CALCOCO2: variants seen among roughly 807,000 people sequenced by gnomAD.
CALCOCO2 encodes calcium binding and coiled-coil domain 2.
CALCOCO2 carries 42 observed loss-of-function variants against 62.5 expected under a neutral mutation model. The observed-to-expected ratio is 0.67, with a 90% CI of 0.53 to 0.87. The LOEUF is 0.87. Among genes scored for constraint, CALCOCO2 ranks in the 40% least tolerant of loss-of-function variants. CALCOCO2 has a pLI of 0.00. For synonymous variants in CALCOCO2, 167 were observed against 173.0 expected, an observed-to-expected ratio of 0.97 and a Z score of 0.27; for missense variants, 456 against 515.0, an observed-to-expected ratio of 0.89 and a Z score of 1.11.
rs554115615 is a variant in CALCOCO2 at position 48,842,024 on chromosome 17, G to A, written c.180+137G>A. The A allele has an allele frequency of 9.6e-5, 52 of 541,764 alleles. No individual in the cohort carries two copies. In the South Asian group the frequency reaches 1.6e-3, roughly 17 times the overall value. The allele number at this position is 541,764 out of a possible 1,614,324, so 33.6% of individuals were successfully genotyped here. ...TTTTAAATTCTAGCCAAGCTCCACA[G>A]CACTTCTCTCTTCACACATTAATGT... On this transcript the variant is annotated intron_variant, in intron 2 of 12. Coordinates refer to ENST00000258947, the MANE Select transcript of CALCOCO2 (RefSeq NM_005831.5).
intron 8 of CALCOCO2, 40 bp from the exon 9 acceptor site, chr17:48,852,886 T>C (rs2040154430): frequency 2.1e-6 from 3 of 1,448,762 alleles, no homozygotes; most frequent in Non-Finnish European, 2.9e-6. Flanking sequence ...TGCATGTGTG[T>C]GTTTTCCCAG....
intron 11 of CALCOCO2, among the ~76,000 whole-genome samples, chr17:48,861,649 ATATG>A (rs1490091561): frequency 8.3e-4 from 13 of 15,622 alleles, no homozygotes; most frequent in Admixed American, 2.6e-3. Flanking sequence ...GTATATATAT[ATATG>A]TGTGTGTGTA....
At chr17:48,861,433 T>C (rs1461239636) in intron 11 of CALCOCO2, among the ~76,000 whole-genome samples, 2 of 151,808 alleles carry the variant, frequency 1.3e-5, no homozygotes, top group Non-Finnish European at 2.9e-5. Flanking sequence ...CCAGGCCGGT[T>C]TCGAACTCCT....
chr17:48,851,462 G>T (rs772770386), intron 6 of CALCOCO2, 97 bp from the exon 7 acceptor site: 61 of 761,590 alleles, frequency 8.0e-5, no homozygotes, highest in Non-Finnish European at 1.3e-4. Context: ...AAATAATTCT[G>T]CAGGCTTAGG....
intron 1 of CALCOCO2, among the ~76,000 whole-genome samples, chr17:48,837,668 A>T (rs530625122): frequency 1.3e-5 from 2 of 151,900 alleles, no homozygotes; most frequent in Non-Finnish European, 2.9e-5. Context: ...GGAAAGAAAA[A>T]CTTTTGAGGT....
At chr17:48,859,452 A>G (rs1449990614) in intron 10 of CALCOCO2, among the ~76,000 whole-genome samples, 3 of 152,066 alleles carry the variant, frequency 2.0e-5, no homozygotes, top group Non-Finnish European at 4.4e-5. Context: ...AAATTTAAAA[A>G]TCAGCCAGGC....
intron 2 of CALCOCO2, among the ~76,000 whole-genome samples, chr17:48,845,320 GGTGTGTGTGTGTGTGT>G (rs55686005): frequency 7.3e-6 from 1 of 137,164 alleles, no homozygotes; most frequent in Admixed American, 7.5e-5. Context: ...CTATGTTGAG[GGTGTGTGTGTGTGTGT>G]GTGTGTGTGT....
intron 9 of CALCOCO2, among the ~76,000 whole-genome samples, chr17:48,853,794 A>G (rs1375415041): frequency 2.6e-5 from 4 of 152,222 alleles, no homozygotes; most frequent in Non-Finnish European, 4.4e-5. Flanking sequence ...TGTATTTCCA[A>G]CTTCCTTTGG....
At position 48,863,270 on chromosome 17, in the gene CALCOCO2, A is replaced by T; in HGVS notation, c.*265A>T. On this transcript the variant is annotated 3_prime_UTR_variant, in exon 13 of 13. Coordinates refer to ENST00000258947, the MANE Select transcript of CALCOCO2 (RefSeq NM_005831.5). ...CTGTCATTCTTCTGAGGGTCTCAGT[A>T]CAAGGGCCCTGGGATGGAGCCAACC... is the stretch of plus-strand genomic sequence containing the variant. 1 of 410,712 alleles carries T rather than the reference A, an allele frequency of 2.4e-6. No individual in the cohort carries two copies. Among genetic ancestry groups the T allele is most frequent in the Non-Finnish European group, 4.6e-6 (1 of 216,870 alleles). The allele number at this position is 410,712 out of a possible 1,614,324, so 25.4% of individuals were successfully genotyped here. A position where few individuals can be genotyped will look rare whatever the true frequency, so the allele number is the denominator to read the frequency against.
At chr17:48,858,054 TAGAATAGAATAGAATAG>T (rs1567759574) in intron 10 of CALCOCO2, among the ~76,000 whole-genome samples, 1 of 139,648 alleles carries the variant, frequency 7.2e-6, no homozygotes, top group Non-Finnish European at 1.6e-5. Context: ...GAAAATAGAA[TAGAATAGAATAGAATAG>T]AATTTTACCA....
In CALCOCO2 at chr17:48,864,375, C is replaced by G. The variant is rs1345736574; in HGVS notation, c.*1370C>G. 1 of 154,244 alleles carries G rather than the reference C, an allele frequency of 6.5e-6. No homozygotes were observed. The highest frequency in any genetic ancestry group is 6.6e-5 in the Admixed American group (1 of 15,258). 9.6% of individuals were successfully genotyped at this position (154,244 alleles called of 1,614,324 possible). On this transcript the variant is annotated 3_prime_UTR_variant, in exon 13 of 13. Coordinates refer to ENST00000258947, the MANE Select transcript of CALCOCO2 (RefSeq NM_005831.5). The stretch of plus-strand genomic sequence containing the variant: ...CACTGTGCTGGGCCCGAGGCCCTGA[C>G]TTCTTGCTGTAACTTTCCATGCATT...
intron 10 of CALCOCO2, among the ~76,000 whole-genome samples, chr17:48,858,043 A>G (rs1181122490): frequency 3.3e-4 from 4 of 12,174 alleles, no homozygotes; most frequent in Non-Finnish European, 1.2e-3. Context: ...AGAATAGAAT[A>G]GAAAATAGAA....
intron 2 of CALCOCO2, chr17:48,846,561 GC>G (rs1241259195): frequency 1.2e-6 from 1 of 818,710 alleles, no homozygotes; most frequent in East Asian, 2.7e-5. Context: ...TAATTCTTAG[GC>G]CTTCCCAATG....
intron 4 of CALCOCO2, chr17:48,848,665 C>G: frequency 1.6e-6 from 1 of 614,070 alleles, no homozygotes; most frequent in Non-Finnish European, 2.9e-6. Context: ...TCTAAAACTT[C>G]TTTAACTCAG....
chr17:48,864,762 C>G lies in CALCOCO2; in HGVS notation c.*1757C>G. ...TGATAAAATGAAGATGAAACTTACA[C>G]TACTTCTCCAAGCCTTTTGCTGTCT... is the stretch of plus-strand genomic sequence containing the variant. On this transcript the variant is annotated 3_prime_UTR_variant, in exon 13 of 13. Coordinates refer to ENST00000258947, the MANE Select transcript of CALCOCO2 (RefSeq NM_005831.5). 1 of 152,280 alleles carries G rather than the reference C, an allele frequency of 6.6e-6. No individual in the cohort carries two copies. Among genetic ancestry groups the G allele is most frequent in the East Asian group, 1.9e-4 (1 of 5,196 alleles). The allele number at this position is 152,280 out of a possible 1,614,324, so 9.4% of individuals were successfully genotyped here. A position where few individuals can be genotyped will look rare whatever the true frequency, so the allele number is the denominator to read the frequency against.
intron 2 of CALCOCO2, chr17:48,847,808 A>G (rs72831882): frequency 0.039 from 12,036 of 305,744 alleles, 331 homozygotes; most frequent in Non-Finnish European, 0.053. Flanking sequence ...GGCGCACACC[A>G]CCGTGCCAAC....
chr17:48,855,053 T>C (rs768567960), intron 9 of CALCOCO2, among the ~76,000 whole-genome samples: 5 of 152,156 alleles, frequency 3.3e-5, no homozygotes, highest in Non-Finnish European at 7.3e-5. Context: ...GGTTAGTGGT[T>C]CTTAGACCAA....
Position 48,845,892 on chromosome 17 carries a change from T to C in CALCOCO2, c.181-2172T>C, listed in dbSNP as rs1376015499. 4 of 426,868 alleles carry C rather than the reference T, an allele frequency of 9.4e-6. No homozygotes were observed. In the Admixed American group the frequency reaches 1.7e-4, roughly 18 times the overall value. The allele number at this position is 426,868 out of a possible 1,614,324, so 26.4% of individuals were successfully genotyped here. A position where few individuals can be genotyped will look rare whatever the true frequency, so the allele number is the denominator to read the frequency against. ...CAGTGAATAAGCCGTGAAGCAGGTTTGGCTCCCAAACCTCTGGTTTTTCCT... is the reference window on the plus strand; with the variant it reads ...CAGTGAATAAGCCGTGAAGCAGGTTCGGCTCCCAAACCTCTGGTTTTTCCT... On this transcript the variant is annotated intron_variant, in intron 2 of 12. Coordinates refer to ENST00000258947, the MANE Select transcript of CALCOCO2 (RefSeq NM_005831.5).
intron 11 of CALCOCO2, among the ~76,000 whole-genome samples, chr17:48,861,229 A>G (rs1405127564): frequency 6.6e-6 from 1 of 152,016 alleles, no homozygotes; most frequent in African/African-American, 2.4e-5. Context: ...TTAGCTGGGC[A>G]TAGTAGTGGA....
Sources: gnomAD v4.1 joint callset for allele counts (sites outside exome capture counted in the v4.1 genomes callset) on GRCh38, gnomAD v4.1.1 for gene constraint, MANE v1.5 for transcripts, NCBI Gene and HGNC (gene_info 2026-07-23, HGNC 2026-07-21) for gene names.